Variants in PTER observed in about 807,000 individuals in gnomAD.
The protein encoded by PTER is N-acetyltaurine hydrolase.
Under a neutral mutation model 29.6 loss-of-function variants are expected in PTER, and 38 were observed. That is an observed-to-expected ratio of 1.28 (90% CI 0.99 to 1.68). The LOEUF is 1.68. Among genes scored for constraint, PTER ranks in the 40% most tolerant of loss-of-function variants. PTER has a pLI of 0.00. For missense variants in PTER, 482 were observed against 427.8 expected (o/e 1.13, Z -1.12); for synonymous variants, 172 against 154.5 (o/e 1.11, Z -0.84).
intron 1 of PTER, among the ~76,000 whole-genome samples, chr10:16,482,391 T>C (rs946635341): frequency 3.9e-5 from 6 of 152,168 alleles, no homozygotes; most frequent in Non-Finnish European, 7.3e-5. Flanking sequence ...AAAGAAATAA[T>C]CTAGGATATA....
At chr10:16,440,690 T>G (rs1833818612) in intron 1 of PTER, among the ~76,000 whole-genome samples, 1 of 152,220 alleles carries the variant, frequency 6.6e-6, no homozygotes, top group African/African-American at 2.4e-5. Context: ...ACAATCACTT[T>G]CCCTCTGCCG....
At chr10:16,446,933 C>T (rs1020709227) in intron 1 of PTER, among the ~76,000 whole-genome samples, 3 of 151,910 alleles carry the variant, frequency 2.0e-5, no homozygotes, top group Non-Finnish European at 2.9e-5. Flanking sequence ...GGATTACAGG[C>T]GTGCGCTACC....
rs144824431 is a variant in PTER at position 16,482,869 on chromosome 10, C to T, written c.-48-1468C>T. 4.6e-3 allele frequency among the ~76,000 whole-genome samples: 699 copies of T among 152,190 alleles called. 5 individuals carry two copies. The highest frequency in any genetic ancestry group is 0.015 in the African/African-American group (642 of 41,510). On this transcript the variant is annotated intron_variant, in intron 1 of 4. Transcript: ENST00000535784. ...CGATCTCGGCTCACTGCAACCTCCG[C>T]CTCCTGGGTTCAAGCAATTCTTCTG...
intron 1 of PTER, among the ~76,000 whole-genome samples, chr10:16,443,309 C>A (rs1272896810): frequency 6.6e-6 from 1 of 152,180 alleles, no homozygotes; most frequent in Non-Finnish European, 1.5e-5. Context: ...ACCCTAACAA[C>A]CCCCTTTTAA....
At chr10:16,455,445 C>T (rs1834361537) in intron 1 of PTER, among the ~76,000 whole-genome samples, 1 of 152,220 alleles carries the variant, frequency 6.6e-6, no homozygotes, top group East Asian at 1.9e-4. Context: ...AATCCTAACA[C>T]TTTGGGAGAC....
At chr10:16,446,081 T>A (rs1834002539) in intron 1 of PTER, among the ~76,000 whole-genome samples, 2 of 152,174 alleles carry the variant, frequency 1.3e-5, no homozygotes, top group Admixed American at 1.3e-4. Flanking sequence ...GCTCAGTGCA[T>A]AAGTGGTAAA....
At chr10:16,465,188 T>C (rs998434836) in intron 1 of PTER, among the ~76,000 whole-genome samples, 1 of 152,172 alleles carries the variant, frequency 6.6e-6, no homozygotes, top group African/African-American at 2.4e-5. Context: ...CACTCTGCTT[T>C]GTATCGTAAG....
downstream of PTER, among the ~76,000 whole-genome samples, chr10:16,515,878 T>C (rs1185537376): frequency 6.6e-6 from 1 of 152,174 alleles, no homozygotes; most frequent in Non-Finnish European, 1.5e-5. Context: ...ACCTGCACTA[T>C]GTAATAATGC....
intron 3 of PTER, among the ~76,000 whole-genome samples, chr10:16,503,065 C>CTTTTTT (rs541383811): frequency 3.9e-4 from 27 of 69,430 alleles, no homozygotes; most frequent in African/African-American, 6.9e-4. Context: ...CATGATAGTG[C>CTTTTTT]TTTTTTTTTT....
At chr10:16,513,932 A>T, downstream of PTER, 1 of 183,190 alleles carries the variant, frequency 5.5e-6, no homozygotes, top group East Asian at 1.4e-4. Context: ...AAAAGATCAT[A>T]GGCTTGGGAA....
chr10:16,452,831 C>T (rs1288304094), intron 1 of PTER, among the ~76,000 whole-genome samples: 1 of 152,124 alleles, frequency 6.6e-6, no homozygotes, highest in Non-Finnish European at 1.5e-5. Context: ...TGGCTCACTG[C>T]AACCTCCACC....
At chr10:16,494,441 G>T (rs920435652) in intron 3 of PTER, among the ~76,000 whole-genome samples, 1 of 152,060 alleles carries the variant, frequency 6.6e-6, no homozygotes, top group Non-Finnish European at 1.5e-5. Context: ...AAGTGATGGG[G>T]GGAGATGCTT....
chr10:16,445,783 G>A (rs1833992933), intron 1 of PTER, among the ~76,000 whole-genome samples: 1 of 152,128 alleles, frequency 6.6e-6, no homozygotes, highest in African/African-American at 2.4e-5. Context: ...GGATCCTACA[G>A]GCTGACACCA....
chr10:16,478,523 G>A (rs767995650), intron 1 of PTER, among the ~76,000 whole-genome samples: 29 of 152,004 alleles, frequency 1.9e-4, no homozygotes, highest in Admixed American at 2.0e-4. Context: ...TAGTGGAGAC[G>A]GGGTTTTACT....
intron 3 of PTER, among the ~76,000 whole-genome samples, chr10:16,493,663 C>G (rs34264201): frequency 0.11 from 16,524 of 144,790 alleles, 1,596 homozygotes; most frequent in African/African-American, 0.26. Context: ...ACATGCAGAA[C>G]GTATGGAAGG....
At chr10:16,515,120 A>T (rs960242192), downstream of PTER, among the ~76,000 whole-genome samples, 1 of 152,148 alleles carries the variant, frequency 6.6e-6, no homozygotes, top group Non-Finnish European at 1.5e-5. Flanking sequence ...ATGAGTACAG[A>T]AGTTCAAGTC....
intron 1 of PTER, among the ~76,000 whole-genome samples, chr10:16,468,764 A>G (rs1834937392): frequency 6.6e-6 from 1 of 152,068 alleles, no homozygotes; most frequent in Non-Finnish European, 1.5e-5. Flanking sequence ...CCTTGAGTCC[A>G]GGAGTTCAAA....
chr10:16,486,150 A>G (rs553212058), intron 2 of PTER, among the ~76,000 whole-genome samples: 1 of 152,154 alleles, frequency 6.6e-6, no homozygotes, highest in Non-Finnish European at 1.5e-5. Flanking sequence ...GATATTATCG[A>G]ATCTTGGATT....
At chr10:16,497,159 T>G (rs1390272964) in intron 3 of PTER, among the ~76,000 whole-genome samples, 1 of 152,054 alleles carries the variant, frequency 6.6e-6, no homozygotes, top group Non-Finnish European at 1.5e-5. Flanking sequence ...GGTCTCAAAC[T>G]CCTAACCTCA....
Sources: allele counts gnomAD v4.1 joint callset (sites outside exome capture counted in the v4.1 genomes callset), GRCh38; gene constraint gnomAD v4.1.1; transcripts MANE v1.5; gene names NCBI Gene and HGNC (gene_info 2026-07-23, HGNC 2026-07-21).